The following MGAT4C variants were observed in gnomAD, a reference collection of about 807,000 sequenced individuals.
MGAT4C encodes the protein MGAT4 family member C, also known as alpha-1,3-mannosyl-glycoprotein 4-beta-N-acetylglucosaminyltransferase C.
MGAT4C carries 19 observed loss-of-function variants against 40.1 expected under a neutral mutation model. That is an observed-to-expected ratio of 0.47 (90% CI 0.33 to 0.70). MGAT4C has a LOEUF of 0.70. MGAT4C is among the 30% of genes least tolerant of loss of function. MGAT4C has a pLI of 0.02. For missense variants in MGAT4C, 491 were observed against 563.2 expected, an observed-to-expected ratio of 0.87 and a Z score of 1.30; for synonymous variants, 181 against 187.1, an observed-to-expected ratio of 0.97 and a Z score of 0.27.
chr12:86,318,409 A>C (rs1954297818), intron 4 of MGAT4C, among the ~76,000 whole-genome samples: 1 of 152,204 alleles, frequency 6.6e-6, no homozygotes, highest in South Asian at 2.1e-4. Flanking sequence ...GATGTCTGGC[A>C]ATGTCCAAAA....
intron 1 of MGAT4C, among the ~76,000 whole-genome samples, chr12:86,729,571 G>C (rs1176624296): frequency 6.6e-6 from 1 of 151,768 alleles, no homozygotes; most frequent in Non-Finnish European, 1.5e-5. Context: ...TGAAACTTAG[G>C]AGCTATTTAA....
intron 1 of MGAT4C, among the ~76,000 whole-genome samples, chr12:86,084,909 A>G (rs1871467823): frequency 6.6e-6 from 1 of 151,964 alleles, no homozygotes; most frequent in Non-Finnish European, 1.5e-5. Context: ...AGGCCAGTGT[A>G]ACCTGAGTAG....
intron 2 of MGAT4C, among the ~76,000 whole-genome samples, chr12:86,581,999 T>C (rs1475448627): frequency 2.0e-5 from 3 of 151,484 alleles, no homozygotes; most frequent in Non-Finnish European, 4.4e-5. Flanking sequence ...GATATTCTGG[T>C]GTAAGTATCT....
intron 1 of MGAT4C, among the ~76,000 whole-genome samples, chr12:86,125,211 C>T (rs143067888): frequency 3.3e-4 from 50 of 152,248 alleles, no homozygotes; most frequent in Non-Finnish European, 6.8e-4. Context: ...TCACCAACAC[C>T]TGTGGAACAC....
chr12:86,192,800 G>A (rs372700125), intron 1 of MGAT4C, among the ~76,000 whole-genome samples: 12 of 152,038 alleles, frequency 7.9e-5, no homozygotes, highest in African/African-American at 2.7e-4. Context: ...CATTATGATG[G>A]TAAGTTTGTC....
rs1387592821 is a variant in MGAT4C at position 86,603,255 on chromosome 12, CTATAT to C, written c.-229+123949_-229+123953del. 2.8e-3 allele frequency among the ~76,000 whole-genome samples: 398 copies of C among 139,990 alleles called. 1 individual carries two copies. The highest frequency in any genetic ancestry group is 4.5e-3 in the Non-Finnish European group (298 of 65,688). The allele number at this position is 139,990 out of a possible 152,430, so 91.8% of individuals were successfully genotyped here. ...AATATATTATATAATGGTATATATA[CTATAT>C]AACTATAATATAATTATAATTAATT... On this transcript the variant is annotated intron_variant, in intron 2 of 7. Coordinates refer to the MGAT4C transcript ENST00000548651.
intron 4 of MGAT4C, among the ~76,000 whole-genome samples, chr12:86,269,353 T>C (rs923891239): frequency 1.3e-5 from 2 of 151,558 alleles, no homozygotes; most frequent in Non-Finnish European, 2.9e-5. Context: ...AATATTTAAG[T>C]AAAGTTTATT....
At chr12:86,430,694 T>G (rs1450191251) in intron 3 of MGAT4C, among the ~76,000 whole-genome samples, 1 of 152,156 alleles carries the variant, frequency 6.6e-6, no homozygotes, top group African/African-American at 2.4e-5. Flanking sequence ...GGCTGGAGGC[T>G]GGGCTCCAAG....
intron 1 of MGAT4C, among the ~76,000 whole-genome samples, chr12:86,739,115 C>G (rs1951026671): frequency 2.2e-5 from 2 of 92,836 alleles, no homozygotes; most frequent in South Asian, 3.7e-4. Flanking sequence ...ATTTTTAATT[C>G]AGCTATGTTT....
intron 1 of MGAT4C, among the ~76,000 whole-genome samples, chr12:86,791,938 C>G (rs554134072): frequency 1.6e-4 from 24 of 152,308 alleles, no homozygotes; most frequent in African/African-American, 5.5e-4. Context: ...TGTGGGTCCT[C>G]AGCAGCAGAG....
At chr12:86,193,629 G>A (rs1309012331) in intron 1 of MGAT4C, among the ~76,000 whole-genome samples, 1 of 151,794 alleles carries the variant, frequency 6.6e-6, no homozygotes, top group Non-Finnish European at 1.5e-5. Context: ...TTTTCTTTTA[G>A]GTACAGCATT....
chr12:86,225,234 T>C (rs775529059), intron 1 of MGAT4C, among the ~76,000 whole-genome samples: 1 of 151,994 alleles, frequency 6.6e-6, no homozygotes. Flanking sequence ...ACTTTCAAGA[T>C]TGAATCAGGA....
chr12:86,782,018 C>G (rs990864070), intron 1 of MGAT4C, among the ~76,000 whole-genome samples: 1 of 151,344 alleles, frequency 6.6e-6, no homozygotes, highest in African/African-American at 2.4e-5. Flanking sequence ...TTTGAGATGG[C>G]GTCTCGTTCT....
intron 3 of MGAT4C, among the ~76,000 whole-genome samples, chr12:86,340,494 AAAG>A (rs752707482): frequency 6.6e-6 from 1 of 152,150 alleles, no homozygotes; most frequent in African/African-American, 2.4e-5. Context: ...AGCAAGAAAA[AAAG>A]AAGGAAACCA....
intron 2 of MGAT4C, among the ~76,000 whole-genome samples, chr12:86,615,064 G>T (rs1962406636): frequency 6.6e-6 from 1 of 151,906 alleles, no homozygotes. Context: ...TACTGAAATT[G>T]CTGTATCTAG....
chr12:85,972,864 G>A lies in MGAT4C; in HGVS notation c.*6425C>T, dbSNP rs1004732830. On this transcript the variant is annotated 3_prime_UTR_variant, in exon 5 of 5. Coordinates refer to ENST00000611864, the MANE Select transcript of MGAT4C (RefSeq NM_001351288.2). ...AGAAAATACATACATATGTTTAAAA[G>A]TAGGGAAAATTTTATCAATTATTAA... is the stretch of plus-strand genomic sequence containing the variant. 5 of 150,882 alleles carry A rather than the reference G, an allele frequency of 3.3e-5. No homozygotes were observed. Among genetic ancestry groups the A allele is most frequent in the Non-Finnish European group, 4.5e-5 (3 of 67,118 alleles). 9.3% of individuals were successfully genotyped at this position (150,882 alleles called of 1,614,324 possible). A position where few individuals can be genotyped will look rare whatever the true frequency, so the allele number is the denominator to read the frequency against.
intron 2 of MGAT4C, among the ~76,000 whole-genome samples, chr12:86,013,379 C>G (rs1435830820): frequency 6.6e-6 from 1 of 152,078 alleles, no homozygotes; most frequent in Non-Finnish European, 1.5e-5. Context: ...GTAGCTGGGA[C>G]TACAGGCGCC....
chr12:86,083,096 G>C (rs1015324831), intron 1 of MGAT4C, among the ~76,000 whole-genome samples: 1 of 151,938 alleles, frequency 6.6e-6, no homozygotes, highest in Non-Finnish European at 1.5e-5. Flanking sequence ...CTGTCATCTA[G>C]TCAGAAGCTT....
At chr12:86,041,520 C>A (rs1048143086) in intron 2 of MGAT4C, among the ~76,000 whole-genome samples, 3 of 152,082 alleles carry the variant, frequency 2.0e-5, no homozygotes, top group African/African-American at 7.2e-5. Context: ...TATGTTGTAT[C>A]TTTGTTCTCA....
Sources: gnomAD v4.1 joint callset for allele counts (sites outside exome capture counted in the v4.1 genomes callset) on GRCh38, gnomAD v4.1.1 for gene constraint, MANE v1.5 for transcripts, NCBI Gene and HGNC (gene_info 2026-07-23, HGNC 2026-07-21) for gene names.